The following CSNK2A1 variants were observed in gnomAD, a reference collection of about 807,000 sequenced individuals.
CSNK2A1 encodes the protein casein kinase II subunit alpha.
In CSNK2A1, 10 loss-of-function variants were observed where a neutral mutation model predicts 62.9. That is an observed-to-expected ratio of 0.16 (90% confidence interval 0.10 to 0.27). CSNK2A1 has a LOEUF of 0.27. Among genes scored for constraint, CSNK2A1 ranks in the 10% least tolerant of loss-of-function variants. CSNK2A1 has a pLI of 1.00. For missense variants in CSNK2A1, 160 were observed against 492.0 expected, an observed-to-expected ratio of 0.33 and a Z score of 6.38; for synonymous variants, 124 against 167.8, an observed-to-expected ratio of 0.74 and a Z score of 2.02.
At chr20:488,589 G>T (rs1600371344) in intron 11 of CSNK2A1, 89 bp downstream of exon 11, 1 of 1,340,026 alleles carries the variant, frequency 7.5e-7, no homozygotes, top group East Asian at 2.3e-5. Flanking sequence ...TGCTGGCAAA[G>T]AAAACATAAC....
At chr20:525,906 G>A (rs2019077818) in intron 2 of CSNK2A1, among the ~76,000 whole-genome samples, 1 of 149,990 alleles carries the variant, frequency 6.7e-6, no homozygotes, top group African/African-American at 2.5e-5. Flanking sequence ...TCAGGAGTCT[G>A]AGATGGGAGG....
intron 2 of CSNK2A1, among the ~76,000 whole-genome samples, chr20:516,601 T>C (rs1478795868): frequency 6.6e-6 from 1 of 152,238 alleles, no homozygotes; most frequent in East Asian, 1.9e-4. Flanking sequence ...AGCTAGTCCC[T>C]CCTTCTAATC....
At chr20:522,262 T>C (rs1266478492) in intron 2 of CSNK2A1, among the ~76,000 whole-genome samples, 1 of 152,192 alleles carries the variant, frequency 6.6e-6, no homozygotes. Flanking sequence ...CTAAGTCCAA[T>C]GGGCTTGGAA....
intron 1 of CSNK2A1, among the ~76,000 whole-genome samples, chr20:536,030 T>C (rs1170091930): frequency 1.3e-5 from 2 of 152,194 alleles, no homozygotes; most frequent in African/African-American, 4.8e-5. Context: ...TTCCTGAGTC[T>C]GAGATGGGAA....
At chr20:535,629 A>G (rs6052708) in intron 1 of CSNK2A1, among the ~76,000 whole-genome samples, 15,738 of 151,394 alleles carry the variant, frequency 0.1, 1,796 homozygotes, top group African/African-American at 0.28. Context: ...GGTGGCATGC[A>G]CCTGTAATCC....
At chr20:487,979 G>A in intron 11 of CSNK2A1, 1 of 254,188 alleles carries the variant, frequency 3.9e-6, no homozygotes, top group Non-Finnish European at 7.7e-6. Flanking sequence ...CTGTTGAGTG[G>A]TTAAGTGTAT....
chr20:481,330 A>C lies in CSNK2A1; in HGVS notation c.*2631T>G, dbSNP rs1251655790. On this transcript the variant is annotated 3_prime_UTR_variant, in exon 14 of 14. Coordinates refer to ENST00000217244, the MANE Select transcript of CSNK2A1 (RefSeq NM_177559.3). ...ATACTTTAAAAAATCTTTCAGAGTA[A>C]TTGCCAACATAACCTTTCATGTTGG... 1 of 152,184 alleles carries C rather than the reference A, an allele frequency of 6.6e-6. No homozygotes were observed. Among genetic ancestry groups the C allele is most frequent in the East Asian group, 1.9e-4 (1 of 5,194 alleles). The allele number at this position is 152,184 out of a possible 1,614,324, so 9.4% of individuals were successfully genotyped here. A position where few individuals can be genotyped will look rare whatever the true frequency, so the allele number is the denominator to read the frequency against.
chr20:492,461 T>A, intron 8 of CSNK2A1, 97 bp from the exon 9 acceptor site: 1 of 1,206,446 alleles, frequency 8.3e-7, no homozygotes, highest in South Asian at 1.3e-5. Context: ...GACACGTCAC[T>A]CTTTACTGAA....
intron 2 of CSNK2A1, among the ~76,000 whole-genome samples, chr20:525,070 T>G (rs187661872): frequency 6.6e-6 from 1 of 152,158 alleles, no homozygotes; most frequent in African/African-American, 2.4e-5. Context: ...GATCACAGTG[T>G]TGCACTCCAA....
intron 1 of CSNK2A1, among the ~76,000 whole-genome samples, chr20:528,620 T>C (rs1436586492): frequency 1.3e-5 from 2 of 152,132 alleles, no homozygotes. Flanking sequence ...TCTTTTGTTT[T>C]TTTTTCTGAG....
intron 3 of CSNK2A1, 84 bp from the exon 4 acceptor site, chr20:505,313 A>G (rs1202119030): frequency 1.1e-6 from 1 of 932,840 alleles, no homozygotes; most frequent in Non-Finnish European, 1.6e-6. Flanking sequence ...CAGCAGCTGT[A>G]ATAGAAATAA....
At chr20:530,664 A>C (rs1360282540) in intron 1 of CSNK2A1, among the ~76,000 whole-genome samples, 1 of 151,998 alleles carries the variant, frequency 6.6e-6, no homozygotes, top group African/African-American at 2.4e-5. Context: ...TAGTAGAGAC[A>C]GGGTTTCGCC....
intron 2 of CSNK2A1, among the ~76,000 whole-genome samples, chr20:511,324 G>C (rs1482850925): frequency 6.6e-6 from 1 of 151,914 alleles, no homozygotes; most frequent in African/African-American, 2.4e-5. Flanking sequence ...TGGGTGACAG[G>C]AGAGAGACCT....
intron 10 of CSNK2A1, chr20:489,464 C>T (rs1206745377): frequency 2.6e-6 from 1 of 378,864 alleles, no homozygotes; most frequent in Non-Finnish European, 4.7e-6. Context: ...CACAGAAATA[C>T]CACATATGGG....
chr20:532,267 C>T (rs1302670957), intron 1 of CSNK2A1, among the ~76,000 whole-genome samples: 4 of 151,596 alleles, frequency 2.6e-5, no homozygotes, highest in Non-Finnish European at 5.9e-5. Context: ...TGGGTTCAAG[C>T]GATTCCCCCG....
At chr20:526,007 A>C (rs1295007091) in intron 2 of CSNK2A1, among the ~76,000 whole-genome samples, 6 of 151,938 alleles carry the variant, frequency 3.9e-5, no homozygotes, top group Non-Finnish European at 8.8e-5. Flanking sequence ...CCTGATTCGA[A>C]AATAAAAATT....
At chr20:504,839 T>A in intron 4 of CSNK2A1, 4 of 360,708 alleles carry the variant, frequency 1.1e-5, no homozygotes, top group Non-Finnish European at 2.0e-5. Context: ...GTAAAGGAAA[T>A]AAGTATTAGG....
chr20:538,132 T>C (rs1234711172), intron 1 of CSNK2A1, among the ~76,000 whole-genome samples: 1 of 152,090 alleles, frequency 6.6e-6, no homozygotes, highest in Non-Finnish European at 1.5e-5. Context: ...CTAATTTTAG[T>C]AGAGATGGGG....
chr20:497,952 G>A, intron 6 of CSNK2A1, 172 bp from the exon 7 acceptor site: 1 of 556,156 alleles, frequency 1.8e-6, no homozygotes, highest in Non-Finnish European at 3.2e-6. Context: ...AGATACTTTG[G>A]GTCTTCAACT....
Sources: allele counts gnomAD v4.1 joint callset (sites outside exome capture counted in the v4.1 genomes callset), GRCh38; gene constraint gnomAD v4.1.1; transcripts MANE v1.5; gene names NCBI Gene and HGNC (gene_info 2026-07-23, HGNC 2026-07-21).